The following FOXP1 variants were observed in gnomAD, a reference collection of about 807,000 sequenced individuals.
FOXP1 encodes forkhead box protein P1.
In FOXP1, 15 loss-of-function variants were observed where a neutral mutation model predicts 98.2. The observed-to-expected ratio is 0.15, with a 90% CI of 0.10 to 0.24. The LOEUF (loss-of-function observed/expected upper bound fraction) is 0.24. Ranked by LOEUF, FOXP1 falls within the 10% of genes least tolerant of loss-of-function variation. The pLI is 1.00. For missense variants in FOXP1, 633 were observed against 848.5 expected (o/e 0.75, Z 3.15); for synonymous variants, 371 against 314.5 (o/e 1.18, Z -1.90).
At chr3:71,382,825 T>C (rs2080279936) in intron 3 of FOXP1, among the ~76,000 whole-genome samples, 1 of 152,218 alleles carries the variant, frequency 6.6e-6, no homozygotes, top group South Asian at 2.1e-4. Flanking sequence ...AACACCAGGA[T>C]AACATCTTCT....
At chr3:71,405,227 T>C (rs1287272846) in intron 3 of FOXP1, among the ~76,000 whole-genome samples, 3 of 152,160 alleles carry the variant, frequency 2.0e-5, no homozygotes, top group Admixed American at 6.5e-5. Context: ...TGGTTGGCCT[T>C]TTCTGATGCC....
At chr3:71,287,272 G>A (rs1418813828) in intron 5 of FOXP1, among the ~76,000 whole-genome samples, 2 of 152,124 alleles carry the variant, frequency 1.3e-5, no homozygotes, top group Non-Finnish European at 1.5e-5. Context: ...AGGAGTTTAA[G>A]ACCAGCCTGG....
chr3:71,330,564 G>C (rs767187727), intron 4 of FOXP1, among the ~76,000 whole-genome samples: 1 of 152,158 alleles, frequency 6.6e-6, no homozygotes, highest in East Asian at 1.9e-4. Context: ...ACCTACAGAA[G>C]GGAGAAAAAC....
At chr3:71,180,081 G>A (rs2062194241) in intron 6 of FOXP1, among the ~76,000 whole-genome samples, 1 of 151,978 alleles carries the variant, frequency 6.6e-6, no homozygotes, top group Admixed American at 6.6e-5. Flanking sequence ...TAGTCTCTCT[G>A]CCAATATTTT....
intron 3 of FOXP1, among the ~76,000 whole-genome samples, chr3:71,427,954 T>A (rs1182824410): frequency 1.3e-5 from 2 of 152,070 alleles, no homozygotes; most frequent in African/African-American, 4.8e-5. Context: ...GAAAATGAAT[T>A]CCAAGAAAAA....
At chr3:70,991,322 G>A (rs1414934613) in intron 13 of FOXP1, among the ~76,000 whole-genome samples, 1 of 152,012 alleles carries the variant, frequency 6.6e-6, no homozygotes, top group African/African-American at 2.4e-5. Context: ...GCCGAAATAG[G>A]TCATCTCCTC....
At position 70,972,645 on chromosome 3, in the gene FOXP1, T is replaced by G; in HGVS notation, c.1562A>C (p.Lys521Thr). Residue 521 changes from lysine to threonine, a missense_variant, in exon 18 of 21, where the codon AAG (lysine) becomes ACG (threonine). By Grantham distance (78) the Lys-to-Thr change is moderately conservative. Transcript: ENST00000649528. ...AACGTTTTCTACTCGCACAAAACAC[T>G]TGTGAAGACTAAGATTATGACGCAC... is the stretch of plus-strand genomic sequence containing the variant. ...NAVRHNLSLHKCFVRVENVKG... is the reference protein window; with the variant it reads ...NAVRHNLSLHTCFVRVENVKG... 1 of 1,614,094 alleles carries G rather than the reference T, an allele frequency of 6.2e-7. No individual in the cohort carries two copies. The highest frequency in any genetic ancestry group is 8.5e-7 in the Non-Finnish European group (1 of 1,179,910).
intron 4 of FOXP1, among the ~76,000 whole-genome samples, chr3:71,329,159 G>A (rs940288032): frequency 6.6e-6 from 1 of 151,968 alleles, no homozygotes. Context: ...GGCTGACATA[G>A]GTGGAATGAA....
intron 7 of FOXP1, among the ~76,000 whole-genome samples, chr3:71,062,734 C>A (rs1444998650): frequency 6.6e-6 from 1 of 152,226 alleles, no homozygotes; most frequent in East Asian, 1.9e-4. Context: ...GTCAGACAAG[C>A]TGCACATTTG....
intron 2 of FOXP1, among the ~76,000 whole-genome samples, chr3:71,574,757 G>A (rs1323733845): frequency 1.3e-5 from 2 of 152,152 alleles, no homozygotes; most frequent in Non-Finnish European, 1.5e-5. Flanking sequence ...GGGAAACATG[G>A]ATGCAGGCAA....
chr3:71,126,895 A>G (rs2059242892), intron 6 of FOXP1, among the ~76,000 whole-genome samples: 1 of 151,794 alleles, frequency 6.6e-6, no homozygotes, highest in African/African-American at 2.4e-5. Context: ...AAAAACAAAA[A>G]AAAAAAGAAA....
chr3:71,553,929 T>C (rs976176839), intron 2 of FOXP1, among the ~76,000 whole-genome samples: 5 of 152,218 alleles, frequency 3.3e-5, no homozygotes, highest in Non-Finnish European at 5.9e-5. Flanking sequence ...GTGATATATA[T>C]TGCAGTTTGG....
At chr3:71,212,222 T>A (rs1021237661) in intron 5 of FOXP1, among the ~76,000 whole-genome samples, 2 of 152,184 alleles carry the variant, frequency 1.3e-5, no homozygotes, top group Non-Finnish European at 2.9e-5. Flanking sequence ...TGGTGAATGA[T>A]TTACGAGCCA....
chr3:71,233,235 G>A (rs1190779576), intron 5 of FOXP1, among the ~76,000 whole-genome samples: 1 of 148,464 alleles, frequency 6.7e-6, no homozygotes, highest in Non-Finnish European at 1.5e-5. Flanking sequence ...GCATGGGAGG[G>A]GAGGGAAGGG....
At chr3:71,047,388 T>C (rs1163274466) in intron 9 of FOXP1, among the ~76,000 whole-genome samples, 3 of 152,168 alleles carry the variant, frequency 2.0e-5, no homozygotes, top group African/African-American at 4.8e-5. Context: ...TGTAAACTTT[T>C]AGACTTTGAA....
chr3:71,397,329 T>C (rs141571252), intron 3 of FOXP1, among the ~76,000 whole-genome samples: 1 of 152,070 alleles, frequency 6.6e-6, no homozygotes, highest in Non-Finnish European at 1.5e-5. Flanking sequence ...AAAAGAGCCA[T>C]CTGAACTGCT....
At chr3:71,413,568 C>T (rs896898191) in intron 3 of FOXP1, among the ~76,000 whole-genome samples, 18 of 152,092 alleles carry the variant, frequency 1.2e-4, no homozygotes, top group African/African-American at 4.1e-4. Context: ...GAAAAGACAA[C>T]ATATTTAACA....
At position 71,366,159 on chromosome 3, in the gene FOXP1, G is replaced by A. The variant is rs148625903; in HGVS notation, c.-167-6915C>T. ...GTCCACTTTTTTTTTCGTTGTGGATGGCAAAGCTCAGAGACATACATACAG... is the reference window on the plus strand; with the variant it reads ...GTCCACTTTTTTTTTCGTTGTGGATAGCAAAGCTCAGAGACATACATACAG... On this transcript the variant is annotated intron_variant, in intron 3 of 20. Transcript: ENST00000649528. Among the ~76,000 whole-genome samples the A allele has an allele frequency of 1.3e-3, 203 of 151,970 alleles. 1 individual carries two copies. The highest frequency in any genetic ancestry group is 4.0e-3 in the African/African-American group (167 of 41,414).
intron 4 of FOXP1, chr3:71,305,573 T>C (rs758216450): frequency 6.6e-6 from 1 of 152,228 alleles, no homozygotes; most frequent in Non-Finnish European, 1.5e-5. Flanking sequence ...TAGCAAACAA[T>C]GGCAGCATTA....
Sources: gnomAD v4.1 joint callset for allele counts (sites outside exome capture counted in the v4.1 genomes callset) on GRCh38, gnomAD v4.1.1 for gene constraint, MANE v1.5 for transcripts, NCBI Gene and HGNC (gene_info 2026-07-23, HGNC 2026-07-21) for gene names.